The following HCN1 variants were observed in gnomAD, a reference collection of about 807,000 sequenced individuals.
HCN1 encodes potassium/sodium hyperpolarization-activated cyclic nucleotide-gated channel 1.
In HCN1, 13 loss-of-function variants were observed where a neutral mutation model predicts 78.9. The observed-to-expected ratio is 0.16, with a 90% CI of 0.11 to 0.26. The LOEUF (loss-of-function observed/expected upper bound fraction) is 0.26, where lower values mean the gene tolerates loss of function less well. Among genes scored for constraint, HCN1 ranks in the 10% least tolerant of loss-of-function variants. HCN1 has a pLI of 1.00. For synonymous variants in HCN1, 552 were observed against 455.5 expected, an observed-to-expected ratio of 1.21 and a Z score of -2.70; for missense variants, 810 against 1,154.3, an observed-to-expected ratio of 0.70 and a Z score of 4.32.
rs1334873637 is a variant in HCN1 at position 45,259,331 on chromosome 5, C to A, written c.*2590G>T. On this transcript the variant is annotated 3_prime_UTR_variant, in exon 8 of 8. Coordinates refer to ENST00000303230, the MANE Select transcript of HCN1 (RefSeq NM_021072.4). ...GCTTTGAGCAAAGACAAAAGAAATA[C>A]TCTAACTCATCCCTGATCATACAGT... The A allele has an allele frequency of 2.6e-5, 4 of 152,106 alleles. No individual in the cohort carries two copies. The highest frequency in any genetic ancestry group is 5.9e-5 in the Non-Finnish European group (4 of 67,840). 9.4% of individuals were successfully genotyped at this position (152,106 alleles called of 1,614,324 possible).
At chr5:45,450,967 T>C (rs1157855983) in intron 3 of HCN1, among the ~76,000 whole-genome samples, 2 of 152,150 alleles carry the variant, frequency 1.3e-5, no homozygotes, top group African/African-American at 4.8e-5. Flanking sequence ...GGCTTCTATC[T>C]CCTACTTCTA....
intron 2 of HCN1, among the ~76,000 whole-genome samples, chr5:45,593,389 G>A (rs1744424689): frequency 6.8e-6 from 1 of 147,626 alleles, no homozygotes; most frequent in Non-Finnish European, 1.5e-5. Context: ...GTAAGATGCA[G>A]GACACAGTGT....
chr5:45,629,471 G>A (rs1242543012), intron 2 of HCN1, among the ~76,000 whole-genome samples: 6 of 152,074 alleles, frequency 3.9e-5, no homozygotes, highest in Non-Finnish European at 7.4e-5. Context: ...ATAAATCAGA[G>A]TAAGGTGTAA....
At chr5:45,453,344 A>G (rs536184736) in intron 3 of HCN1, among the ~76,000 whole-genome samples, 1 of 152,246 alleles carries the variant, frequency 6.6e-6, no homozygotes, top group Non-Finnish European at 1.5e-5. Flanking sequence ...CAACATTTTT[A>G]TGTGAAACGT....
At chr5:45,639,666 C>T (rs996226157) in intron 2 of HCN1, among the ~76,000 whole-genome samples, 3 of 152,094 alleles carry the variant, frequency 2.0e-5, no homozygotes, top group South Asian at 2.1e-4. Flanking sequence ...CCGATACAAA[C>T]ATTTTTTGAC....
At chr5:45,426,279 A>G (rs904512688) in intron 3 of HCN1, among the ~76,000 whole-genome samples, 3 of 152,172 alleles carry the variant, frequency 2.0e-5, no homozygotes, top group African/African-American at 4.8e-5. Context: ...TTATGGAGCT[A>G]ATGTGAATGG....
At chr5:45,351,070 C>T (rs963893384) in intron 5 of HCN1, among the ~76,000 whole-genome samples, 1 of 152,124 alleles carries the variant, frequency 6.6e-6, no homozygotes, top group Non-Finnish European at 1.5e-5. Context: ...ATCACCAAGT[C>T]AATCCTAAGC....
At chr5:45,316,095 T>C (rs1182289582) in intron 5 of HCN1, among the ~76,000 whole-genome samples, 3 of 152,152 alleles carry the variant, frequency 2.0e-5, no homozygotes, top group Admixed American at 1.3e-4. Flanking sequence ...TACCAAAGTC[T>C]GGCAGAGACA....
At chr5:45,658,696 C>T (rs1291558161) in intron 1 of HCN1, among the ~76,000 whole-genome samples, 11 of 151,512 alleles carry the variant, frequency 7.3e-5, no homozygotes, top group Admixed American at 1.3e-4. Context: ...GGGTGAGGGA[C>T]GCACCTGGAA....
intron 2 of HCN1, among the ~76,000 whole-genome samples, chr5:45,473,559 T>C (rs1741451562): frequency 6.6e-6 from 1 of 151,876 alleles, no homozygotes; most frequent in Non-Finnish European, 1.5e-5. Context: ...TTCTCTGTGA[T>C]GCCTCACCTA....
chr5:45,367,183 C>T (rs983167910), intron 4 of HCN1, among the ~76,000 whole-genome samples: 9 of 151,718 alleles, frequency 5.9e-5, no homozygotes, highest in East Asian at 1.9e-4. Flanking sequence ...AGTTAAAAAT[C>T]GAGTCTTATT....
At chr5:45,295,461 G>A (rs1054150132) in intron 6 of HCN1, among the ~76,000 whole-genome samples, 8 of 151,926 alleles carry the variant, frequency 5.3e-5, no homozygotes, top group East Asian at 2.0e-4. Context: ...ACAACACTAC[G>A]TAAGACCTCT....
Position 45,567,970 on chromosome 5 carries a change from T to C in HCN1, c.849+77215A>G, listed in dbSNP as rs375074376. On this transcript the variant is annotated intron_variant, in intron 2 of 7. Coordinates refer to ENST00000303230, the MANE Select transcript of HCN1 (RefSeq NM_021072.4). The stretch of plus-strand genomic sequence containing the variant: ...CATATACACACACTGCTATCTATGG[T>C]AATTAAAGTTTTCACTAAGAACTTG... 7.9e-5 allele frequency among the ~76,000 whole-genome samples: 12 copies of C among 151,662 alleles called. 1 individual carries two copies. The highest frequency in any genetic ancestry group is 2.7e-4 in the African/African-American group (11 of 41,378).
chr5:45,331,471 T>A (rs952372748), intron 5 of HCN1, among the ~76,000 whole-genome samples: 14 of 151,332 alleles, frequency 9.3e-5, no homozygotes, highest in African/African-American at 3.4e-4. Flanking sequence ...AATATCAAAT[T>A]TAAGTCATCA....
At chr5:45,459,332 T>A (rs529860287) in intron 3 of HCN1, among the ~76,000 whole-genome samples, 2 of 151,040 alleles carry the variant, frequency 1.3e-5, no homozygotes, top group African/African-American at 4.9e-5. Context: ...TACATTCGAG[T>A]TACACATGGA....
At position 45,409,344 on chromosome 5, in the gene HCN1, G is replaced by T. The variant is rs150973355; in HGVS notation, c.1012-12634C>A. Among the ~76,000 whole-genome samples, 1,018 of 152,022 alleles carry T rather than the reference G, an allele frequency of 6.7e-3. 13 individuals are homozygous for T. The highest frequency in any genetic ancestry group is 0.024 in the African/African-American group (982 of 41,514). On this transcript the variant is annotated intron_variant, in intron 3 of 7. Transcript: ENST00000303230. ...ACCTCTTTGCAAATACATAAATCAT[G>T]AAAAATTTATTAAAATCTAATGCTT... is the stretch of plus-strand genomic sequence containing the variant.
At chr5:45,553,424 G>A (rs1743411022) in intron 2 of HCN1, among the ~76,000 whole-genome samples, 1 of 151,794 alleles carries the variant, frequency 6.6e-6, no homozygotes, top group Non-Finnish European at 1.5e-5. Context: ...TGCGTATACT[G>A]TTTTTCTTGT....
intron 5 of HCN1, among the ~76,000 whole-genome samples, chr5:45,308,246 C>T (rs993838038): frequency 1.3e-5 from 2 of 152,018 alleles, no homozygotes; most frequent in Non-Finnish European, 2.9e-5. Flanking sequence ...GATGCTGGTG[C>T]CATGCATCTT....
chr5:45,633,775 A>G (rs1686235059), intron 2 of HCN1, among the ~76,000 whole-genome samples: 1 of 151,998 alleles, frequency 6.6e-6, no homozygotes, highest in Admixed American at 6.6e-5. Context: ...GTATATAATT[A>G]CATATGCAAT....
Sources: gnomAD v4.1 joint callset for allele counts (sites outside exome capture counted in the v4.1 genomes callset) on GRCh38, gnomAD v4.1.1 for gene constraint, MANE v1.5 for transcripts, NCBI Gene and HGNC (gene_info 2026-07-23, HGNC 2026-07-21) for gene names.